SLC5A10: variants seen among roughly 807,000 people sequenced by gnomAD.
The protein encoded by SLC5A10 is sodium/mannose cotransporter SLC5A10.
A neutral mutation model predicts 68.9 loss-of-function variants in SLC5A10; 55 were observed. The observed-to-expected ratio is 0.80, with a 90% CI of 0.64 to 1.00. SLC5A10 has a LOEUF of 1.00. Among genes scored for constraint, SLC5A10 ranks in the 50% least tolerant of loss-of-function variants. The pLI, the probability that SLC5A10 is intolerant of heterozygous loss-of-function variation, is 0.00. For synonymous variants in SLC5A10, 344 were observed against 344.8 expected (o/e 1.00, Z 0.02); for missense variants, 732 against 819.3 (o/e 0.89, Z 1.30).
chr17:18,995,586 G>T (rs886517422), intron 9 of SLC5A10, among the ~76,000 whole-genome samples: 3 of 152,130 alleles, frequency 2.0e-5, no homozygotes, highest in African/African-American at 4.8e-5. Flanking sequence ...GAAAAAAATG[G>T]CCAAAACACT....
intron 5 of SLC5A10, among the ~76,000 whole-genome samples, chr17:18,963,218 G>A (rs1427854742): frequency 6.6e-6 from 1 of 152,142 alleles, no homozygotes; most frequent in Non-Finnish European, 1.5e-5. Context: ...TGAAGTGGGA[G>A]GACCTTAGAA....
chr17:19,011,454 G>C (rs1431922414), intron 9 of SLC5A10, among the ~76,000 whole-genome samples: 1 of 152,196 alleles, frequency 6.6e-6, no homozygotes, highest in African/African-American at 2.4e-5. Flanking sequence ...GGGACCAACT[G>C]TCAAGGGCCT....
chr17:18,959,751 A>T, intron 4 of SLC5A10, 88 bp downstream of exon 4: 1 of 1,213,852 alleles, frequency 8.2e-7, no homozygotes, highest in South Asian at 1.2e-5. Flanking sequence ...GTGGCCTCAC[A>T]TCAGGAGTTG....
rs1194391181 is a variant in SLC5A10 at position 19,018,909 on chromosome 17, C to G, written c.1242-514C>G. On this transcript the variant is annotated intron_variant, in intron 11 of 14. Transcript: ENST00000395645. This position sits in a 1 kb window ranked among gnomAD's most constrained non-coding sequence, Gnocchi z 4.2. ...TGTCTTCAAATAACCACCAGGAAGT[C>G]AGTCTGGCCCAGATCGGGGGGCAGT... The G allele has an allele frequency of 6.5e-6, 1 of 152,872 alleles. No individual in the cohort carries two copies. The highest frequency in any genetic ancestry group is 1.5e-5 in the Non-Finnish European group (1 of 68,560). 9.5% of individuals were successfully genotyped at this position (152,872 alleles called of 1,614,324 possible).
intron 9 of SLC5A10, among the ~76,000 whole-genome samples, chr17:18,988,886 T>G (rs951814401): frequency 6.6e-6 from 1 of 152,134 alleles, no homozygotes; most frequent in Non-Finnish European, 1.5e-5. Flanking sequence ...TGGCTCAGGG[T>G]GGGGCCCCAG....
intron 9 of SLC5A10, among the ~76,000 whole-genome samples, chr17:18,982,688 C>T (rs572010688): frequency 3.9e-5 from 6 of 152,290 alleles, no homozygotes; most frequent in African/African-American, 1.4e-4. Context: ...CCCCAATCCC[C>T]CCAGGCCTCC....
intron 9 of SLC5A10, among the ~76,000 whole-genome samples, chr17:18,998,265 CCTGT>C (rs752660464): frequency 2.6e-5 from 4 of 152,244 alleles, no homozygotes; most frequent in African/African-American, 4.8e-5. Flanking sequence ...TTTGGATGCT[CCTGT>C]CTATCACTGC....
At chr17:19,005,486 A>G (rs1404791255) in intron 9 of SLC5A10, among the ~76,000 whole-genome samples, 3 of 152,148 alleles carry the variant, frequency 2.0e-5, no homozygotes, top group Non-Finnish European at 4.4e-5. Context: ...CCCAACAAAC[A>G]GCCCCCACCC....
chr17:19,022,336 G>C lies in SLC5A10; in HGVS notation c.*1905G>C, dbSNP rs2044277973. On this transcript the variant is annotated 3_prime_UTR_variant, in exon 15 of 15. Transcript: ENST00000395645. ...CTGCTGCCCACACCCCTGCCTGTCTGCTGTGCAGATGCTGCATCTACATAG... is the reference window on the plus strand; with the variant it reads ...CTGCTGCCCACACCCCTGCCTGTCTCCTGTGCAGATGCTGCATCTACATAG... 1 of 452,270 alleles carries C rather than the reference G, an allele frequency of 2.2e-6. No individual in the cohort carries two copies. The highest frequency in any genetic ancestry group is 2.0e-5 in the African/African-American group (1 of 49,056). The allele number at this position is 452,270 out of a possible 1,614,324, so 28.0% of individuals were successfully genotyped here.
rs566310665 is a variant in SLC5A10, at chr17:19,002,102, G to A, written c.983-11308G>A. Among the ~76,000 whole-genome samples the A allele has an allele frequency of 2.8e-3, 423 of 150,746 alleles. 1 individual carries two copies. Among genetic ancestry groups the A allele is most frequent in the Admixed American group, 5.5e-3 (84 of 15,158 alleles). ...GGTCTCTCAGTCTGCAAACTATGAA[G>A]GTCCCTTCCTCCTCCCCCTCCTCCT... On this transcript the variant is annotated intron_variant, in intron 9 of 14. Transcript: ENST00000395645.
At chr17:19,005,383 T>A (rs1162809377) in intron 9 of SLC5A10, among the ~76,000 whole-genome samples, 1 of 149,730 alleles carries the variant, frequency 6.7e-6, no homozygotes, top group Non-Finnish European at 1.5e-5. Flanking sequence ...CTGCTGAGCG[T>A]CCCCTGGGGT....
At chr17:18,989,272 C>T (rs952887629) in intron 9 of SLC5A10, among the ~76,000 whole-genome samples, 6 of 151,736 alleles carry the variant, frequency 4.0e-5, no homozygotes, top group Admixed American at 6.6e-5. Flanking sequence ...AAGCTGGGGA[C>T]AGAGTCAGGC....
chr17:18,951,947 A>T (rs553394130), upstream of SLC5A10: 4 of 468,428 alleles, frequency 8.5e-6, no homozygotes, highest in South Asian at 1.3e-4. Flanking sequence ...GAGTTCAAGG[A>T]GGCTCCTTCC....
intron 5 of SLC5A10, among the ~76,000 whole-genome samples, chr17:18,965,713 C>A (rs1011703632): frequency 6.6e-6 from 1 of 152,254 alleles, no homozygotes; most frequent in South Asian, 2.1e-4. Flanking sequence ...GGGCTCCCGC[C>A]CTTGCAAGCC....
intron 13 of SLC5A10, 54 bp from the exon 14 acceptor site, chr17:19,020,101 A>ACGCCCCC: frequency 1.6e-6 from 2 of 1,227,264 alleles, no homozygotes; most frequent in Non-Finnish European, 1.2e-6. Context: ...TGTCTGGGTC[A>ACGCCCCC]CCCCCACCCT....
At chr17:18,995,355 GGTGGA>G (rs1305496849) in intron 9 of SLC5A10, among the ~76,000 whole-genome samples, 1 of 152,042 alleles carries the variant, frequency 6.6e-6, no homozygotes, top group Non-Finnish European at 1.5e-5. Flanking sequence ...AAATATACTA[GGTGGA>G]ATTAACAGAT....
At chr17:18,969,510 T>G (rs1417548618) in intron 7 of SLC5A10, 88 bp downstream of exon 7, 1 of 1,290,936 alleles carries the variant, frequency 7.7e-7, no homozygotes, top group African/African-American at 1.5e-5. Flanking sequence ...GCAGGATTCA[T>G]GCCGTTGGGG....
In SLC5A10 at chr17:19,017,682, G is replaced by A. The variant is rs887208326; in HGVS notation, c.1242-1741G>A. 22 of 392,954 alleles carry A rather than the reference G, an allele frequency of 5.6e-5. No homozygotes were observed. The highest frequency in any genetic ancestry group is 8.2e-5 in the African/African-American group (4 of 48,560). The allele number at this position is 392,954 out of a possible 1,614,324, so 24.3% of individuals were successfully genotyped here. Reference sequence around the variant, plus strand: ...CCCACTCTCCCCTGTCTGTGTTCCCGGCTGTTCAGTCCGTAAATGGGGCCC... The same window carrying A: ...CCCACTCTCCCCTGTCTGTGTTCCCAGCTGTTCAGTCCGTAAATGGGGCCC... On this transcript the variant is annotated intron_variant, in intron 11 of 14. Coordinates refer to ENST00000395645, the MANE Select transcript of SLC5A10 (RefSeq NM_001042450.4). The surrounding 1 kb of genome is among the most constrained non-coding windows in gnomAD (Gnocchi z 5.6).
At chr17:18,981,546 C>G (rs2043132953) in intron 9 of SLC5A10, among the ~76,000 whole-genome samples, 2 of 152,148 alleles carry the variant, frequency 1.3e-5, no homozygotes, top group African/African-American at 4.8e-5. Flanking sequence ...CCTGAGAGAG[C>G]AGAGCTGCCC....
Sources: allele counts gnomAD v4.1 joint callset (sites outside exome capture counted in the v4.1 genomes callset), GRCh38; gene constraint gnomAD v4.1.1; non-coding constraint Gnocchi (gnomAD v3.1); transcripts MANE v1.5; gene names NCBI Gene and HGNC (gene_info 2026-07-23, HGNC 2026-07-21).